The following CDH12 variants were observed in gnomAD, a reference collection of about 807,000 sequenced individuals.
CDH12 encodes cadherin-12.
In CDH12, 41 loss-of-function variants were observed where a neutral mutation model predicts 74.1. That is an observed-to-expected ratio of 0.55 (90% confidence interval 0.43 to 0.72). The LOEUF is 0.72. Among genes scored for constraint, CDH12 ranks in the 30% least tolerant of loss-of-function variants. CDH12 has a pLI of 0.00. For synonymous variants in CDH12, 399 were observed against 355.0 expected, an observed-to-expected ratio of 1.12 and a Z score of -1.39; for missense variants, 945 against 977.2, an observed-to-expected ratio of 0.97 and a Z score of 0.44.
intron 3 of CDH12, among the ~76,000 whole-genome samples, chr5:22,273,541 G>C (rs1736498257): frequency 6.6e-6 from 1 of 152,028 alleles, no homozygotes; most frequent in Non-Finnish European, 1.5e-5. Context: ...AATTACTTTT[G>C]CACCAAGCTA....
intron 11 of CDH12, chr5:21,774,295 T>C (rs1368512207): frequency 6.6e-6 from 1 of 152,214 alleles, no homozygotes; most frequent in Non-Finnish European, 1.5e-5. Flanking sequence ...TTGTGCTGGA[T>C]GGATATTTCC....
At chr5:22,453,901 G>A (rs1745163243) in intron 2 of CDH12, among the ~76,000 whole-genome samples, 1 of 151,758 alleles carries the variant, frequency 6.6e-6, no homozygotes, top group Admixed American at 6.6e-5. Flanking sequence ...TGATTTATTT[G>A]AAATTAGTTA....
At chr5:22,051,377 A>C (rs751167941) in intron 5 of CDH12, among the ~76,000 whole-genome samples, 1 of 152,212 alleles carries the variant, frequency 6.6e-6, no homozygotes, top group Non-Finnish European at 1.5e-5. Context: ...AATTTTAAAT[A>C]AAATATGATA....
At chr5:22,687,981 C>T (rs1741898673) in intron 1 of CDH12, among the ~76,000 whole-genome samples, 3 of 151,924 alleles carry the variant, frequency 2.0e-5, no homozygotes, top group African/African-American at 7.3e-5. Flanking sequence ...TTGAAAGATG[C>T]CTTGAGATGG....
At chr5:22,522,328 G>A (rs907280700) in intron 1 of CDH12, among the ~76,000 whole-genome samples, 4 of 152,110 alleles carry the variant, frequency 2.6e-5, no homozygotes, top group African/African-American at 9.7e-5. Flanking sequence ...AAATTAAATT[G>A]GAGCATCAAA....
At chr5:22,689,927 G>C (rs1016558385) in intron 1 of CDH12, among the ~76,000 whole-genome samples, 1 of 151,940 alleles carries the variant, frequency 6.6e-6, no homozygotes, top group Non-Finnish European at 1.5e-5. Context: ...CATGAAAGAA[G>C]AGGAAATTTT....
At chr5:22,136,900 A>G (rs1456830884) in intron 4 of CDH12, among the ~76,000 whole-genome samples, 1 of 151,868 alleles carries the variant, frequency 6.6e-6, no homozygotes, top group Admixed American at 6.6e-5. Context: ...ATGAATGAAT[A>G]AATAATTAAA....
At chr5:22,623,969 G>A (rs1335553526) in intron 1 of CDH12, among the ~76,000 whole-genome samples, 18 of 152,036 alleles carry the variant, frequency 1.2e-4, no homozygotes, top group African/African-American at 4.3e-4. Flanking sequence ...AAACAGAGAT[G>A]TAGACCAATG....
intron 4 of CDH12, among the ~76,000 whole-genome samples, chr5:22,084,269 G>T (rs1742926570): frequency 6.6e-6 from 1 of 151,954 alleles, no homozygotes; most frequent in African/African-American, 2.4e-5. Flanking sequence ...GTAGTTCTGG[G>T]GTCCGATAGA....
chr5:21,765,555 A>AG (rs1270083992), intron 11 of CDH12, among the ~76,000 whole-genome samples: 142 of 151,974 alleles, frequency 9.3e-4, no homozygotes, highest in African/African-American at 3.1e-3. Context: ...AAAAAAAAAA[A>AG]AGGGGAAAGA....
intron 6 of CDH12, among the ~76,000 whole-genome samples, chr5:21,927,342 T>G (rs1165991935): frequency 6.6e-6 from 1 of 152,058 alleles, no homozygotes; most frequent in Non-Finnish European, 1.5e-5. Context: ...TCCTAACACT[T>G]TGGGAGGCCC....
chr5:22,008,895 C>A (rs1297217158), intron 5 of CDH12, among the ~76,000 whole-genome samples: 7 of 152,314 alleles, frequency 4.6e-5, no homozygotes, highest in Non-Finnish European at 4.4e-5. Flanking sequence ...TTTCCCTTCT[C>A]TACACAGAAC....
chr5:21,984,181 G>C (rs1439666963), intron 5 of CDH12, among the ~76,000 whole-genome samples: 1 of 152,108 alleles, frequency 6.6e-6, no homozygotes, highest in African/African-American at 2.4e-5. Context: ...TTTTGGCCTA[G>C]AATGAATAAA....
chr5:22,084,744 G>A (rs1011121118), intron 4 of CDH12, among the ~76,000 whole-genome samples: 4 of 152,146 alleles, frequency 2.6e-5, no homozygotes, highest in African/African-American at 9.7e-5. Flanking sequence ...GTCAGCCAGG[G>A]AGCTTTTAAA....
intron 5 of CDH12, among the ~76,000 whole-genome samples, chr5:22,027,165 C>T (rs189780419): frequency 6.6e-6 from 1 of 151,902 alleles, no homozygotes; most frequent in Non-Finnish European, 1.5e-5. Context: ...GGATGAAGCC[C>T]ACTTGATCAT....
intron 2 of CDH12, among the ~76,000 whole-genome samples, 173 bp downstream of exon 2, chr5:22,505,097 A>G (rs556527475): frequency 6.6e-6 from 1 of 152,144 alleles, no homozygotes; most frequent in South Asian, 2.1e-4. Flanking sequence ...TGGTTACTTC[A>G]AGTTTCATGA....
intron 4 of CDH12, among the ~76,000 whole-genome samples, chr5:22,099,474 G>A (rs940435027): frequency 1.2e-4 from 19 of 152,120 alleles, no homozygotes; most frequent in Non-Finnish European, 1.9e-4. Flanking sequence ...ATGCTACAGG[G>A]TACAGCCCAT....
intron 5 of CDH12, among the ~76,000 whole-genome samples, chr5:22,000,857 A>G (rs1736565241): frequency 6.6e-6 from 1 of 152,136 alleles, no homozygotes; most frequent in African/African-American, 2.4e-5. Flanking sequence ...CTCGAAAAAA[A>G]GCCTATCATA....
intron 1 of CDH12, among the ~76,000 whole-genome samples, chr5:22,795,131 T>C (rs987796404): frequency 3.3e-5 from 5 of 152,142 alleles, no homozygotes; most frequent in Non-Finnish European, 7.3e-5. Context: ...TCTTTTGGAA[T>C]TATTTCAGTC....
Sources: allele counts gnomAD v4.1 joint callset (sites outside exome capture counted in the v4.1 genomes callset), GRCh38; gene constraint gnomAD v4.1.1; transcripts MANE v1.5; gene names NCBI Gene and HGNC (gene_info 2026-07-23, HGNC 2026-07-21).